CFAP61: variants seen among roughly 807,000 people sequenced by gnomAD.
The protein encoded by CFAP61 is cilia- and flagella-associated protein 61.
CFAP61 carries 107 observed loss-of-function variants against 135.6 expected under a neutral mutation model. The observed-to-expected ratio is 0.79, with a 90% CI of 0.67 to 0.93. The LOEUF (loss-of-function observed/expected upper bound fraction) is 0.93. Among genes scored for constraint, CFAP61 ranks in the 40% least tolerant of loss-of-function variants. The pLI is 0.00. For synonymous variants in CFAP61, 575 were observed against 578.5 expected (o/e 0.99, Z 0.09); for missense variants, 1,507 against 1,556.2 (o/e 0.97, Z 0.53).
At chr20:20,322,079 C>T (rs2057544236) in intron 25 of CFAP61, among the ~76,000 whole-genome samples, 2 of 152,114 alleles carry the variant, frequency 1.3e-5, no homozygotes, top group African/African-American at 4.8e-5. Context: ...AGCAAGTGTC[C>T]CAGCTGAGCC....
At chr20:20,301,574 C>A (rs1368423616) in intron 25 of CFAP61, among the ~76,000 whole-genome samples, 3 of 152,332 alleles carry the variant, frequency 2.0e-5, no homozygotes, top group African/African-American at 7.2e-5. Flanking sequence ...AGTCTAGTGG[C>A]ATACAAAGGT....
At chr20:20,315,654 G>C (rs1882424435) in intron 25 of CFAP61, among the ~76,000 whole-genome samples, 1 of 151,860 alleles carries the variant, frequency 6.6e-6, no homozygotes, top group African/African-American at 2.4e-5. Context: ...TTTCTTCTAG[G>C]GTTTTTATGG....
rs573843156 is a variant in CFAP61, at chr20:20,183,663, C to A, written c.1386-4267C>A. Among the ~76,000 whole-genome samples, 9 of 63,426 alleles carry A rather than the reference C, an allele frequency of 1.4e-4. 1 individual carries two copies. In the South Asian group the frequency reaches 5.3e-3, roughly 37 times the overall value. 41.6% of individuals were successfully genotyped at this position (63,426 alleles called of 152,430 possible). ...TGTAACATTTATTTCTTATTTAACC[C>A]ATTATATCCAAAATATTATTGTTTC... On this transcript the variant is annotated intron_variant, in intron 13 of 26. Coordinates refer to ENST00000245957, the MANE Select transcript of CFAP61 (RefSeq NM_015585.4).
rs545773166 is a variant in CFAP61 at position 20,301,704 on chromosome 20, C to T, written c.3422+3318C>T. Among the ~76,000 whole-genome samples, 3 of 152,296 alleles carry T rather than the reference C, an allele frequency of 2.0e-5. No homozygotes were observed. The South Asian group carries it at 6.2e-4, about 32-fold the overall frequency. On this transcript the variant is annotated intron_variant, in intron 25 of 26. Transcript: ENST00000245957. ...CATGATATTTGTCCACGGAGCAGGG[C>T]TGTCTTCTCATTACTAATTCACAGA... is the stretch of plus-strand genomic sequence containing the variant.
chr20:20,055,461 G>A (rs1222845947), intron 1 of CFAP61, among the ~76,000 whole-genome samples: 5 of 152,138 alleles, frequency 3.3e-5, no homozygotes, highest in Admixed American at 6.5e-5. Flanking sequence ...AAAGTCCCAG[G>A]TAGATGCATG....
At chr20:20,064,213 A>G (rs1319552834) in intron 2 of CFAP61, among the ~76,000 whole-genome samples, 3 of 152,216 alleles carry the variant, frequency 2.0e-5, no homozygotes, top group Admixed American at 6.5e-5. Context: ...CACTGTGACC[A>G]TAACTTTTGT....
chr20:20,211,278 G>A (rs932340816), intron 17 of CFAP61, among the ~76,000 whole-genome samples: 5 of 152,224 alleles, frequency 3.3e-5, no homozygotes, highest in African/African-American at 1.2e-4. Flanking sequence ...GGTCGAGTGG[G>A]CAGGGACTGC....
At chr20:20,345,109 A>T (rs979684469) in intron 26 of CFAP61, among the ~76,000 whole-genome samples, 1 of 152,216 alleles carries the variant, frequency 6.6e-6, no homozygotes, top group Admixed American at 6.5e-5. Context: ...GAAGGGTGGC[A>T]AGAAGTGGGT....
intron 8 of CFAP61, 118 bp from the exon 9 acceptor site, chr20:20,142,739 A>G: frequency 3.0e-6 from 2 of 663,410 alleles, no homozygotes; most frequent in Admixed American, 2.6e-5. Flanking sequence ...GCTCTCTAGA[A>G]TAAAATTCTT....
chr20:20,251,657 T>A lies in CFAP61; in HGVS notation c.2222T>A (p.Val741Glu). The A allele has an allele frequency of 6.2e-7, 1 of 1,614,204 alleles. No individual in the cohort carries two copies. The highest frequency in any genetic ancestry group is 8.5e-7 in the Non-Finnish European group (1 of 1,180,028). Residue 741 changes from valine to glutamate, a missense_variant, in exon 20 of 27, where the codon GTG (valine) becomes GAG (glutamate). By Grantham distance (121) the Val-to-Glu change is moderately radical (BLOSUM62 -2). Transcript: ENST00000245957. ...MSLCSWVNVVVGRMTGIDRAA... is the reference protein window; with the variant it reads ...MSLCSWVNVVEGRMTGIDRAA... The stretch of plus-strand genomic sequence containing the variant: ...CTGTGCTCCTGGGTTAATGTCGTGG[T>A]GGGTAGAATGACCGGCATAGACCGA...
intron 13 of CFAP61, among the ~76,000 whole-genome samples, chr20:20,183,855 G>A (rs1012516101): frequency 2.0e-5 from 3 of 152,078 alleles, no homozygotes; most frequent in Non-Finnish European, 4.4e-5. Flanking sequence ...TTAGAGGAGG[G>A]CACAAACATA....
chr20:20,296,291 CTCCTTCCCTTCCT>C (rs1162525004), intron 24 of CFAP61, among the ~76,000 whole-genome samples: 3 of 47,008 alleles, frequency 6.4e-5, no homozygotes, highest in African/African-American at 2.2e-4. Context: ...CATCCCTTCC[CTCCTTCCCTTCCT>C]TCCTTCCTTC....
At chr20:20,267,733 A>C (rs1179738241) in intron 21 of CFAP61, 2 of 152,188 alleles carry the variant, frequency 1.3e-5, no homozygotes, top group African/African-American at 4.8e-5. Context: ...TGAGTTAAAC[A>C]GGGTTTTACT....
chr20:20,100,246 C>T (rs375080963), intron 8 of CFAP61, among the ~76,000 whole-genome samples: 35 of 151,208 alleles, frequency 2.3e-4, no homozygotes, highest in Middle Eastern at 3.4e-3. Flanking sequence ...GATCTTGGCT[C>T]ACTGCAACCT....
intron 18 of CFAP61, among the ~76,000 whole-genome samples, chr20:20,237,218 G>A (rs1170190325): frequency 6.6e-6 from 1 of 152,042 alleles, no homozygotes; most frequent in Non-Finnish European, 1.5e-5. Context: ...CCAGGTCCCC[G>A]AGGACTCCAG....
intron 3 of CFAP61, among the ~76,000 whole-genome samples, chr20:20,072,183 C>T (rs142366741): frequency 0.056 from 7,265 of 130,586 alleles, 248 homozygotes; most frequent in Non-Finnish European, 0.084. Flanking sequence ...GGCACGATCT[C>T]GGCTTACTGC....
chr20:20,323,224 A>G, intron 25 of CFAP61: 25 of 985,438 alleles, frequency 2.5e-5, no homozygotes, highest in Non-Finnish European at 3.0e-5. Context: ...CAGCATGGGC[A>G]TGAAAGGCAC....
intron 12 of CFAP61, among the ~76,000 whole-genome samples, chr20:20,167,432 T>A (rs2053919760): frequency 6.6e-6 from 1 of 152,262 alleles, no homozygotes; most frequent in African/African-American, 2.4e-5. Context: ...TCACTAATTT[T>A]AATTATTTTC....
chr20:20,304,373 G>A (rs1264886230), intron 25 of CFAP61, among the ~76,000 whole-genome samples: 1 of 151,466 alleles, frequency 6.6e-6, no homozygotes, highest in African/African-American at 2.4e-5. Flanking sequence ...AAAGAATAGA[G>A]CCAATTTTAT....
Sources: allele counts gnomAD v4.1 joint callset (sites outside exome capture counted in the v4.1 genomes callset), GRCh38; gene constraint gnomAD v4.1.1; transcripts MANE v1.5; gene names NCBI Gene and HGNC (gene_info 2026-07-23, HGNC 2026-07-21).